Variants in GAS7 observed in about 807,000 individuals in gnomAD.
The protein encoded by GAS7 is growth arrest specific 7, also known as growth arrest-specific protein 7.
A neutral mutation model predicts 71.1 loss-of-function variants in GAS7; 28 were observed. The ratio of observed to expected loss-of-function variants is 0.39; its 90% CI spans 0.29 to 0.54. The LOEUF (loss-of-function observed/expected upper bound fraction) is 0.54. GAS7 is among the 20% of genes least tolerant of loss of function. The pLI, the probability that GAS7 is intolerant of heterozygous loss-of-function variation, is 0.62. For synonymous variants in GAS7, 258 were observed against 245.8 expected (o/e 1.05, Z -0.46); for missense variants, 436 against 627.8 (o/e 0.69, Z 3.27).
intron 11 of GAS7, 77 bp downstream of exon 11, chr17:9,925,399 C>T (rs2067962654): frequency 3.6e-5 from 53 of 1,470,040 alleles, no homozygotes; most frequent in Non-Finnish European, 5.0e-5. Context: ...GCACCCTCGC[C>T]AGTCACCTCA....
chr17:10,113,299 A>C (rs9908211), intron 1 of GAS7, among the ~76,000 whole-genome samples: 130,327 of 152,150 alleles, frequency 0.86, 56,027 homozygotes, highest in Non-Finnish European at 0.9. Context: ...AACTACAAAC[A>C]CATATATTCT....
intron 1 of GAS7, among the ~76,000 whole-genome samples, chr17:10,076,922 C>T (rs997581433): frequency 6.6e-6 from 1 of 152,174 alleles, no homozygotes; most frequent in African/African-American, 2.4e-5. Flanking sequence ...ACCTGTTTTA[C>T]CCCACCTCTA....
chr17:10,126,555 CA>C (rs2073952273), intron 1 of GAS7, among the ~76,000 whole-genome samples: 1 of 150,652 alleles, frequency 6.6e-6, no homozygotes, highest in African/African-American at 2.4e-5. Context: ...CGCACACACG[CA>C]GACATGCACA....
rs373653902 is a variant in GAS7 at position 10,034,915 on chromosome 17, T to C, written c.184-15018A>G. ...CAACTGGATTTCTGCCCTGGAATCC[T>C]GGGCTTCTGTCTCTGCATCACCCTG... On this transcript the variant is annotated intron_variant, in intron 1 of 13. Transcript: ENST00000432992. This position sits in a 1 kb window ranked among gnomAD's most constrained non-coding sequence, Gnocchi z 4.4. Among the ~76,000 whole-genome samples, 7 of 152,178 alleles carry C rather than the reference T, an allele frequency of 4.6e-5. No individual in the cohort carries two copies. Among genetic ancestry groups the C allele is most frequent in the Non-Finnish European group, 1.0e-4 (7 of 68,028 alleles).
At chr17:9,979,352 C>G (rs1458143403) in intron 3 of GAS7, among the ~76,000 whole-genome samples, 1 of 152,162 alleles carries the variant, frequency 6.6e-6, no homozygotes, top group Non-Finnish European at 1.5e-5. Context: ...GCCATGCGGG[C>G]AATTCTCATC....
Position 10,194,552 on chromosome 17 carries a change from C to A in GAS7, c.183+3656G>T, listed in dbSNP as rs142896038. Among the ~76,000 whole-genome samples, 809 of 152,312 alleles carry A rather than the reference C, an allele frequency of 5.3e-3. 3 individuals carry two copies. The highest frequency in any genetic ancestry group is 0.024 in the South Asian group (118 of 4,834). ...CCCTAGAAAGCTGGTGGAAATATTCCCACATGTGGGGTTCCCAGGTCTATG... is the reference window on the plus strand; with the variant it reads ...CCCTAGAAAGCTGGTGGAAATATTCACACATGTGGGGTTCCCAGGTCTATG... On this transcript the variant is annotated intron_variant, in intron 1 of 13. Coordinates refer to ENST00000432992, the MANE Select transcript of GAS7 (RefSeq NM_201433.2).
intron 1 of GAS7, among the ~76,000 whole-genome samples, chr17:10,176,621 C>T (rs950944196): frequency 2.0e-5 from 3 of 152,096 alleles, no homozygotes; most frequent in Admixed American, 6.6e-5. Context: ...TGGAAGGTAC[C>T]GTAGTTAAAA....
intron 1 of GAS7, among the ~76,000 whole-genome samples, chr17:10,175,714 T>G (rs1204638221): frequency 6.6e-6 from 1 of 152,220 alleles, no homozygotes. Flanking sequence ...TGCCCAGGCT[T>G]GTCTTCAACT....
chr17:10,037,607 G>A (rs1312535921), intron 1 of GAS7, among the ~76,000 whole-genome samples: 2 of 152,106 alleles, frequency 1.3e-5, no homozygotes, highest in African/African-American at 2.4e-5. Flanking sequence ...TCAGACCAGA[G>A]CTAAGCTGTT....
At chr17:10,138,741 T>C (rs963605142) in intron 1 of GAS7, among the ~76,000 whole-genome samples, 1 of 151,892 alleles carries the variant, frequency 6.6e-6, no homozygotes, top group African/African-American at 2.4e-5. Flanking sequence ...CACTCCAGCC[T>C]GGGCGACACA....
At chr17:10,088,350 A>G (rs1243648404) in intron 1 of GAS7, among the ~76,000 whole-genome samples, 1 of 152,066 alleles carries the variant, frequency 6.6e-6, no homozygotes, top group Non-Finnish European at 1.5e-5. Flanking sequence ...TAGGAGGGAT[A>G]GAGGGGCAGG....
intron 1 of GAS7, among the ~76,000 whole-genome samples, chr17:10,043,083 A>G (rs575114780): frequency 6.6e-6 from 1 of 152,284 alleles, no homozygotes; most frequent in Non-Finnish European, 1.5e-5. Flanking sequence ...CAAGGAGTTC[A>G]CAGAGAAAGA....
At chr17:10,033,070 T>TA (rs2152221345) in intron 1 of GAS7, among the ~76,000 whole-genome samples, 1 of 152,320 alleles carries the variant, frequency 6.6e-6, no homozygotes, top group East Asian at 1.9e-4. Context: ...GGAGTTGAGC[T>TA]AGTACTTTTC....
rs145295740 is a variant in GAS7, at chr17:9,922,499, C to A, written c.1139-2794G>T. 2.3e-4 allele frequency among the ~76,000 whole-genome samples: 35 copies of A among 152,322 alleles called. No individual in the cohort carries two copies. The East Asian group carries it at 6.7e-3, about 29-fold the overall frequency. On this transcript the variant is annotated intron_variant, in intron 11 of 13. Coordinates refer to ENST00000432992, the MANE Select transcript of GAS7 (RefSeq NM_201433.2). ...AATACCTCCCTGCAGGGGGACTGTG[C>A]TGATCAAAAGAGACAATGCTCTAAA... is the stretch of plus-strand genomic sequence containing the variant.
chr17:10,128,534 T>C (rs993940012), intron 1 of GAS7, among the ~76,000 whole-genome samples: 5 of 152,134 alleles, frequency 3.3e-5, no homozygotes, highest in African/African-American at 1.2e-4. Flanking sequence ...GGCCAGAACA[T>C]AAAACCCAGC....
chr17:9,960,796 GA>G (rs1341355048), intron 4 of GAS7, among the ~76,000 whole-genome samples: 1 of 152,224 alleles, frequency 6.6e-6, no homozygotes, highest in Non-Finnish European at 1.5e-5. Context: ...GTCAACTCAG[GA>G]AAACTGATAT....
intron 1 of GAS7, among the ~76,000 whole-genome samples, chr17:10,043,820 G>C (rs1460024888): frequency 6.6e-6 from 1 of 152,172 alleles, no homozygotes; most frequent in African/African-American, 2.4e-5. Flanking sequence ...TGTAGACCCA[G>C]CTACTAGGCA....
chr17:9,934,648 C>T (rs1305170577), intron 8 of GAS7, among the ~76,000 whole-genome samples: 1 of 152,166 alleles, frequency 6.6e-6, no homozygotes, highest in Non-Finnish European at 1.5e-5. Context: ...CATCACCCCT[C>T]CCTGGTTTGC....
At chr17:10,192,741 A>AT (rs2074511740) in intron 1 of GAS7, among the ~76,000 whole-genome samples, 2 of 152,222 alleles carry the variant, frequency 1.3e-5, no homozygotes, top group Non-Finnish European at 2.9e-5. Context: ...AAGTGTGACA[A>AT]AAGAGGTGGT....
Sources: allele counts gnomAD v4.1 joint callset (sites outside exome capture counted in the v4.1 genomes callset), GRCh38; gene constraint gnomAD v4.1.1; non-coding constraint Gnocchi (gnomAD v3.1); transcripts MANE v1.5; gene names NCBI Gene and HGNC (gene_info 2026-07-23, HGNC 2026-07-21).